Variants in MIPOL1 observed in about 807,000 individuals in gnomAD.
MIPOL1 encodes the protein mirror-image polydactyly 1, also known as mirror-image polydactyly gene 1 protein.
A neutral mutation model predicts 60.9 loss-of-function variants in MIPOL1; 57 were observed. The observed-to-expected ratio is 0.94, with a 90% CI of 0.76 to 1.17. MIPOL1 has a LOEUF of 1.17. Among genes scored for constraint, MIPOL1 ranks in the 50% most tolerant of loss-of-function variants. MIPOL1 has a pLI of 0.00. For synonymous variants in MIPOL1, 179 were observed against 168.8 expected (o/e 1.06, Z -0.47); for missense variants, 551 against 511.6 (o/e 1.08, Z -0.74).
chr14:37,494,583 C>A (rs1273480611), intron 11 of MIPOL1, among the ~76,000 whole-genome samples: 1 of 152,084 alleles, frequency 6.6e-6, no homozygotes, highest in Non-Finnish European at 1.5e-5. Context: ...TAGACCACAG[C>A]AAGTATAGAA....
intron 9 of MIPOL1, among the ~76,000 whole-genome samples, chr14:37,325,090 G>T (rs1054221812): frequency 2.6e-5 from 4 of 152,024 alleles, no homozygotes; most frequent in Non-Finnish European, 4.4e-5. Context: ...CTTATGATTG[G>T]CATTGTGTTG....
intron 10 of MIPOL1, among the ~76,000 whole-genome samples, chr14:37,394,084 A>ATATATATATATATATATATATATATATC (rs1491106712): frequency 8.2e-5 from 11 of 134,664 alleles, no homozygotes; most frequent in South Asian, 4.8e-4. Context: ...ATATATATAT[A>ATATATATATATATATATATATATATATC]TCTCCATGTT....
chr14:37,201,686 C>T (rs1370005261), intron 1 of MIPOL1, among the ~76,000 whole-genome samples: 1 of 152,136 alleles, frequency 6.6e-6, no homozygotes, highest in Non-Finnish European at 1.5e-5. Flanking sequence ...CCCTTTCTTC[C>T]TTAAATGTCT....
intron 12 of MIPOL1, among the ~76,000 whole-genome samples, chr14:37,513,076 G>A (rs1467293473): frequency 6.6e-6 from 1 of 152,024 alleles, no homozygotes; most frequent in African/African-American, 2.4e-5. Flanking sequence ...ATGGAAGATG[G>A]ACTCAGATGG....
intron 10 of MIPOL1, among the ~76,000 whole-genome samples, chr14:37,389,761 A>G (rs2093180767): frequency 6.6e-6 from 1 of 151,414 alleles, no homozygotes; most frequent in South Asian, 2.1e-4. Context: ...ATTTAAAGAA[A>G]AACAACAGAT....
chr14:37,412,839 T>C (rs1462370955), intron 10 of MIPOL1, among the ~76,000 whole-genome samples: 2 of 152,198 alleles, frequency 1.3e-5, no homozygotes, highest in African/African-American at 4.8e-5. Flanking sequence ...ATTTAAAAAA[T>C]ATTACTAAGG....
At chr14:37,452,331 T>C (rs2094432684) in intron 11 of MIPOL1, among the ~76,000 whole-genome samples, 1 of 152,236 alleles carries the variant, frequency 6.6e-6, no homozygotes, top group African/African-American at 2.4e-5. Flanking sequence ...GAAATAGTTC[T>C]GTGAGTATGA....
chr14:37,404,802 C>T (rs1306643317), intron 10 of MIPOL1, among the ~76,000 whole-genome samples: 1 of 152,108 alleles, frequency 6.6e-6, no homozygotes, highest in Non-Finnish European at 1.5e-5. Flanking sequence ...TAGGGAGCAT[C>T]AATTGTTCTT....
At chr14:37,366,239 A>G (rs2153491734) in intron 9 of MIPOL1, among the ~76,000 whole-genome samples, 1 of 151,560 alleles carries the variant, frequency 6.6e-6, no homozygotes, top group East Asian at 1.9e-4. Flanking sequence ...TTTAAGATGC[A>G]TTGTTAGGTT....
intron 12 of MIPOL1, among the ~76,000 whole-genome samples, chr14:37,521,024 C>T (rs1333586880): frequency 1.3e-5 from 2 of 149,682 alleles, no homozygotes; most frequent in Non-Finnish European, 3.0e-5. Flanking sequence ...GTGACCTCCA[C>T]CTCCCAGGTT....
intron 3 of MIPOL1, among the ~76,000 whole-genome samples, chr14:37,256,397 T>C (rs1002565380): frequency 6.6e-6 from 1 of 151,926 alleles, no homozygotes; most frequent in Non-Finnish European, 1.5e-5. Flanking sequence ...GGATATTCTG[T>C]GTCCTTTCCA....
At chr14:37,484,904 TTACATAGGTATA>T (rs2094924825) in intron 11 of MIPOL1, among the ~76,000 whole-genome samples, 2 of 152,270 alleles carry the variant, frequency 1.3e-5, no homozygotes, top group Admixed American at 6.5e-5. Context: ...TGCAGTTTTG[TTACATAGGTATA>T]TACATGCCAT....
chr14:37,479,074 C>T (rs1262647597), intron 11 of MIPOL1, among the ~76,000 whole-genome samples: 1 of 152,038 alleles, frequency 6.6e-6, no homozygotes. Context: ...CGTCAATATA[C>T]CACTTTATTT....
chr14:37,475,025 C>T (rs889019977), intron 11 of MIPOL1, among the ~76,000 whole-genome samples: 16 of 151,786 alleles, frequency 1.1e-4, no homozygotes, highest in Non-Finnish European at 2.1e-4. Context: ...AATGCAGTGG[C>T]GTGATCTCGG....
intron 1 of MIPOL1, among the ~76,000 whole-genome samples, chr14:37,238,069 T>C (rs1309415894): frequency 2.0e-5 from 3 of 152,198 alleles, no homozygotes; most frequent in African/African-American, 7.2e-5. Flanking sequence ...TGGACTCAAG[T>C]GATCCTCCTT....
chr14:37,424,288 T>C (rs1350918958), intron 11 of MIPOL1, among the ~76,000 whole-genome samples: 1 of 152,050 alleles, frequency 6.6e-6, no homozygotes, highest in Non-Finnish European at 1.5e-5. Context: ...CAAATTAAAA[T>C]AAAGTCAGTA....
At chr14:37,234,101 G>A (rs1971051525) in intron 1 of MIPOL1, among the ~76,000 whole-genome samples, 1 of 152,192 alleles carries the variant, frequency 6.6e-6, no homozygotes, top group African/African-American at 2.4e-5. Context: ...GTCTGCAGCT[G>A]ATCTGGGTAC....
At chr14:37,207,999 GGTGTTTTTTTATA>G (rs752023212) in intron 1 of MIPOL1, among the ~76,000 whole-genome samples, 9 of 152,230 alleles carry the variant, frequency 5.9e-5, no homozygotes, top group African/African-American at 9.6e-5. Flanking sequence ...GGATTGATTT[GGTGTTTTTTTATA>G]GTAGATGACC....
intron 3 of MIPOL1, among the ~76,000 whole-genome samples, chr14:37,259,848 G>C (rs2082393488): frequency 6.6e-6 from 1 of 152,034 alleles, no homozygotes; most frequent in Non-Finnish European, 1.5e-5. Flanking sequence ...GTATCTTTTG[G>C]ATAGTGCTGA....
Sources: allele counts gnomAD v4.1 joint callset (sites outside exome capture counted in the v4.1 genomes callset), GRCh38; gene constraint gnomAD v4.1.1; transcripts MANE v1.5; gene names NCBI Gene and HGNC (gene_info 2026-07-23, HGNC 2026-07-21).